Variants in SAP30BP observed in about 807,000 individuals in gnomAD.
The protein encoded by SAP30BP is SAP30 binding protein.
In SAP30BP, 31 loss-of-function variants were observed where a neutral mutation model predicts 46.3. The ratio of observed to expected loss-of-function variants is 0.67; its 90% CI spans 0.50 to 0.90. The LOEUF is 0.90. Among genes scored for constraint, SAP30BP ranks in the 40% least tolerant of loss-of-function variants. SAP30BP has a pLI of 0.00. For missense variants in SAP30BP, 312 were observed against 391.0 expected (o/e 0.80, Z 1.70); for synonymous variants, 169 against 144.2 (o/e 1.17, Z -1.23).
chr17:75,677,106 CTTTTTTTTTT>C (rs35919373), intron 3 of SAP30BP, among the ~76,000 whole-genome samples: 1 of 113,494 alleles, frequency 8.8e-6, no homozygotes, highest in South Asian at 2.9e-4. Context: ...TGGCAGAAAA[CTTTTTTTTTT>C]TTTTTTTTTT....
At chr17:75,669,474 C>T (rs2059876548) in intron 2 of SAP30BP, among the ~76,000 whole-genome samples, 1 of 152,124 alleles carries the variant, frequency 6.6e-6, no homozygotes, top group Non-Finnish European at 1.5e-5. Context: ...AACTCCTGAC[C>T]TCAGGTGATC....
intron 9 of SAP30BP, 107 bp from the exon 10 acceptor site, chr17:75,705,901 C>T (rs1435654488): frequency 6.0e-6 from 9 of 1,496,804 alleles, no homozygotes; most frequent in Non-Finnish European, 8.2e-6. Flanking sequence ...TTTCCAATGC[C>T]TCTTTTGTGT....
intron 3 of SAP30BP, among the ~76,000 whole-genome samples, chr17:75,681,997 A>G (rs186326623): frequency 2.0e-4 from 31 of 152,112 alleles, no homozygotes; most frequent in Admixed American, 5.2e-4. Context: ...CTGCAGAACG[A>G]AAGAGCAAAC....
intron 3 of SAP30BP, among the ~76,000 whole-genome samples, chr17:75,680,124 A>G (rs1430213967): frequency 2.0e-5 from 3 of 152,026 alleles, no homozygotes; most frequent in African/African-American, 7.2e-5. Context: ...ACTGGGAGGG[A>G]CTGGGATCGC....
intron 1 of SAP30BP, 72 bp downstream of exon 1, chr17:75,667,550 G>A: frequency 7.1e-7 from 1 of 1,403,370 alleles, no homozygotes. Flanking sequence ...CGCTGGGCGG[G>A]AGGGAACAAG....
intron 5 of SAP30BP, chr17:75,700,077 C>T (rs1169164927): frequency 7.4e-6 from 3 of 405,370 alleles, no homozygotes; most frequent in East Asian, 4.1e-5. Context: ...ACCGCCATGT[C>T]CCGTGGTGCT....
intron 3 of SAP30BP, chr17:75,691,718 G>A (rs1215797895): frequency 8.8e-6 from 3 of 340,728 alleles, no homozygotes; most frequent in Non-Finnish European, 1.7e-5. Context: ...GAGAGTTAAC[G>A]AATGGTCAGT....
At chr17:75,675,097 G>A (rs1006313523) in intron 3 of SAP30BP, among the ~76,000 whole-genome samples, 2 of 152,110 alleles carry the variant, frequency 1.3e-5, no homozygotes. Flanking sequence ...TGTCATAATT[G>A]TCATCTCCAC....
chr17:75,706,336 C>T lies in SAP30BP; in HGVS notation c.746-4C>T, dbSNP rs1350290771. ...CGTGATCCTGATTTCTGCTTTATCT[C>T]CAGATGCTCAGAAGAGAAAGAGCAA... is the stretch of plus-strand genomic sequence containing the variant. On this transcript the variant is annotated splice_region_variant and splice_polypyrimidine_tract_variant and intron_variant, in intron 10 of 10. Transcript: ENST00000584667. The surrounding 1 kb of genome is among the most constrained non-coding windows in gnomAD (Gnocchi z 4.6). 3.1e-6 allele frequency: 5 copies of T among 1,611,950 alleles called. No individual in the cohort carries two copies. Among genetic ancestry groups the T allele is most frequent in the African/African-American group, 2.7e-5 (2 of 74,912 alleles).
At chr17:75,687,923 T>G (rs1555721326) in intron 3 of SAP30BP, among the ~76,000 whole-genome samples, 2 of 92,392 alleles carry the variant, frequency 2.2e-5, no homozygotes, top group South Asian at 7.2e-4. Flanking sequence ...TTGGGGTGTG[T>G]GTGTGTGTGT....
rs1473802436 is a variant in SAP30BP at position 75,668,550 on chromosome 17, G to A, written c.141G>A (p.Gly47=). 10 of 1,602,536 alleles carry A rather than the reference G, an allele frequency of 6.2e-6. No individual in the cohort carries two copies. The highest frequency in any genetic ancestry group is 1.1e-5 in the South Asian group (1 of 88,808). Reference sequence around the variant, plus strand: ...GCGGATTGGTATCTGATGCCTATGGGGAGGATGACTTTTCTCGTCTAGGGG... The same window carrying A: ...GCGGATTGGTATCTGATGCCTATGGAGAGGATGACTTTTCTCGTCTAGGGG... The part of the protein sequence containing the change: ...EKGGLVSDAY[G]EDDFSRLGGD... Residue 47 remains glycine (G), a synonymous_variant, in exon 2 of 11, where the codon GGG becomes GGA. Coordinates refer to ENST00000584667, the MANE Select transcript of SAP30BP (RefSeq NM_013260.8).
At chr17:75,703,558 C>T (rs1411043849) in intron 7 of SAP30BP, 187 bp downstream of exon 7, 4 of 642,506 alleles carry the variant, frequency 6.2e-6, no homozygotes, top group African/African-American at 3.6e-5. Context: ...TTCCGGTGGC[C>T]GGCCTGGTGC....
In SAP30BP at chr17:75,699,805, G is replaced by T; in HGVS notation, c.330G>T (p.Arg110=). Residue 110 remains arginine (R), a synonymous_variant, in exon 5 of 11, where the codon CGG becomes CGT. Coordinates refer to ENST00000584667, the MANE Select transcript of SAP30BP (RefSeq NM_013260.8). ...CAGCCTCCTTTTCTGAAAGAGTTCG[G>T]AACATGTCGCCTGATGAAATCAAGA... ...ELVASFSERV[R]NMSPDEIKIP... is the part of the protein sequence containing the mutation. 6.2e-7 allele frequency: 1 copy of T among 1,613,128 alleles called. No individual in the cohort carries two copies. The highest frequency in any genetic ancestry group is 1.1e-5 in the South Asian group (1 of 91,016).
chr17:75,682,520 ATTC>A (rs544923811), intron 3 of SAP30BP, among the ~76,000 whole-genome samples: 387 of 152,214 alleles, frequency 2.5e-3, no homozygotes, highest in African/African-American at 8.8e-3. Flanking sequence ...AGCCATTTTT[ATTC>A]TTCTTTTATG....
At chr17:75,671,678 T>C (rs1373955710) in intron 2 of SAP30BP, 138 bp from the exon 3 acceptor site, 1 of 690,284 alleles carries the variant, frequency 1.4e-6, no homozygotes. Context: ...GGTTCTGAGT[T>C]ATATGGTAGG....
At chr17:75,678,148 G>T (rs2060020462) in intron 3 of SAP30BP, among the ~76,000 whole-genome samples, 1 of 151,938 alleles carries the variant, frequency 6.6e-6, no homozygotes, top group Admixed American at 6.6e-5. Flanking sequence ...TTTAACCTCA[G>T]TTTTTCTCAT....
At position 75,704,781 on chromosome 17, in the gene SAP30BP, C is replaced by T; in HGVS notation, c.627C>T (p.Asp209=). 6.2e-7 allele frequency: 1 copy of T among 1,613,822 alleles called. No individual in the cohort carries two copies. The highest frequency in any genetic ancestry group is 1.3e-5 in the African/African-American group (1 of 75,040). ...CCAAGGCCCAGAAAATTGAGATGGA[C>T]AAATTGGAAAAGGCCAAAAAGGAGC... ...ALAKAQKIEM[D]KLEKAKKERT... The change falls in exon 9 of 11, where the codon GAC becomes GAT. Residue 209 remains aspartate (D), a synonymous_variant. Coordinates refer to ENST00000584667, the MANE Select transcript of SAP30BP (RefSeq NM_013260.8).
At chr17:75,705,600 C>G (rs2060484000) in intron 9 of SAP30BP, 1 of 1,034,692 alleles carries the variant, frequency 9.7e-7, no homozygotes, top group African/African-American at 1.7e-5. Flanking sequence ...CCTCTCCCTT[C>G]CAAACCCCAG....
intron 3 of SAP30BP, among the ~76,000 whole-genome samples, chr17:75,676,651 C>T: frequency 6.6e-6 from 1 of 152,180 alleles, no homozygotes; most frequent in East Asian, 1.9e-4. Flanking sequence ...ACTGGTGACT[C>T]AAATAATCAC....
Sources: allele counts gnomAD v4.1 joint callset (sites outside exome capture counted in the v4.1 genomes callset), GRCh38; gene constraint gnomAD v4.1.1; non-coding constraint Gnocchi (gnomAD v3.1); transcripts MANE v1.5; gene names NCBI Gene and HGNC (gene_info 2026-07-23, HGNC 2026-07-21).